CPEB3: variants seen among roughly 807,000 people sequenced by gnomAD.
The protein encoded by CPEB3 is cytoplasmic polyadenylation element-binding protein 3.
In CPEB3, 20 loss-of-function variants were observed where a neutral mutation model predicts 67.2. The ratio of observed to expected loss-of-function variants is 0.30; its 90% confidence interval spans 0.21 to 0.43. The LOEUF (loss-of-function observed/expected upper bound fraction) is 0.43, where lower values mean the gene tolerates loss of function less well. Ranked by LOEUF, CPEB3 falls within the 20% of genes least tolerant of loss-of-function variation. The probability of loss-of-function intolerance (pLI) is 1.00; values close to 1 mark genes in which losing one functional copy is unlikely to be tolerated. For missense variants in CPEB3, 746 were observed against 968.6 expected (o/e 0.77, Z 3.05); for synonymous variants, 376 against 393.1 (o/e 0.96, Z 0.51).
rs543334864 is a variant in CPEB3, at chr10:92,199,875, C to A, written c.1006-7239G>T. Among the ~76,000 whole-genome samples the A allele has an allele frequency of 4.9e-5, 7 of 141,492 alleles. No individual in the cohort carries two copies. The South Asian group carries it at 1.5e-3, about 31-fold the overall frequency. The allele number at this position is 141,492 out of a possible 152,430, so 92.8% of individuals were successfully genotyped here. On this transcript the variant is annotated intron_variant, in intron 2 of 9. Coordinates refer to ENST00000265997, the MANE Select transcript of CPEB3 (RefSeq NM_014912.5). Reference sequence around the variant, plus strand: ...AGATATTCATTACATAATATACGAACCTATTTTTCTCCAAACACACAGAGA... The same window carrying A: ...AGATATTCATTACATAATATACGAAACTATTTTTCTCCAAACACACAGAGA...
chr10:92,209,941 C>CAAAAAAAAA (rs768962869), intron 2 of CPEB3, among the ~76,000 whole-genome samples: 1 of 59,036 alleles, frequency 1.7e-5, no homozygotes, highest in African/African-American at 7.4e-5. Context: ...GGCTCTGTCT[C>CAAAAAAAAA]AAAAAAAAAA....
intron 4 of CPEB3, among the ~76,000 whole-genome samples, chr10:92,177,532 G>GA (rs754904256): frequency 4.5e-4 from 69 of 152,276 alleles, no homozygotes; most frequent in Non-Finnish European, 9.7e-4. Flanking sequence ...TCTTGAACAG[G>GA]AAAAATCAGT....
At chr10:92,249,869 A>G (rs1434335621) in intron 1 of CPEB3, among the ~76,000 whole-genome samples, 1 of 150,246 alleles carries the variant, frequency 6.7e-6, no homozygotes, top group Non-Finnish European at 1.5e-5. Context: ...AAAAATACAA[A>G]AAAATAGCTG....
At chr10:92,180,148 C>T (rs1848399577) in intron 4 of CPEB3, among the ~76,000 whole-genome samples, 1 of 152,184 alleles carries the variant, frequency 6.6e-6, no homozygotes, top group Admixed American at 6.5e-5. Context: ...GAGCTGATGC[C>T]ACCCAGATTA....
chr10:92,214,670 G>C (rs533253496), intron 2 of CPEB3, among the ~76,000 whole-genome samples: 1 of 151,834 alleles, frequency 6.6e-6, no homozygotes, highest in African/African-American at 2.4e-5. Flanking sequence ...ATTTTTACTA[G>C]AGATGAGGTT....
chr10:92,120,136 T>G (rs1355300521), intron 6 of CPEB3, among the ~76,000 whole-genome samples: 13 of 91,934 alleles, frequency 1.4e-4, no homozygotes, highest in Admixed American at 3.7e-4. Flanking sequence ...CTACGCCGGG[T>G]GCGGTGGCTC....
intron 2 of CPEB3, among the ~76,000 whole-genome samples, chr10:92,215,752 T>TC (rs1850341531): frequency 7.1e-6 from 1 of 141,138 alleles, no homozygotes; most frequent in Admixed American, 7.2e-5. Flanking sequence ...TTTTTTTTTT[T>TC]TTTTTTCTTT....
At chr10:92,143,566 G>A (rs1187570883) in intron 5 of CPEB3, among the ~76,000 whole-genome samples, 1 of 152,104 alleles carries the variant, frequency 6.6e-6, no homozygotes, top group Non-Finnish European at 1.5e-5. Context: ...AGGAGTAGGG[G>A]CAATAAGTAG....
chr10:92,186,432 G>A (rs991024195), intron 3 of CPEB3, among the ~76,000 whole-genome samples: 4 of 95,042 alleles, frequency 4.2e-5, no homozygotes, highest in African/African-American at 2.5e-4. Flanking sequence ...TTAAAACTCA[G>A]GTGATTTTTT....
chr10:92,277,697 C>T (rs1424141067), intron 1 of CPEB3, among the ~76,000 whole-genome samples: 1 of 152,062 alleles, frequency 6.6e-6, no homozygotes, highest in South Asian at 2.1e-4. Context: ...TCGAGACCAG[C>T]GTGGCCAACA....
chr10:92,238,541 A>T (rs1799181502), intron 2 of CPEB3, among the ~76,000 whole-genome samples: 1 of 152,040 alleles, frequency 6.6e-6, no homozygotes. Flanking sequence ...AGGACACTGC[A>T]GCTTTAAATA....
intron 2 of CPEB3, among the ~76,000 whole-genome samples, chr10:92,227,512 C>T (rs1457645914): frequency 6.6e-6 from 1 of 152,200 alleles, no homozygotes; most frequent in Non-Finnish European, 1.5e-5. Flanking sequence ...AAAATACTAC[C>T]TAATGCCAAC....
intron 1 of CPEB3, among the ~76,000 whole-genome samples, chr10:92,284,402 GC>G (rs1375411965): frequency 1.2e-4 from 18 of 152,064 alleles, no homozygotes; most frequent in Non-Finnish European, 1.9e-4. Flanking sequence ...CTAGGGTAGG[GC>G]AAAATTCCTT....
chr10:92,165,462 C>T (rs1440827853), intron 4 of CPEB3, among the ~76,000 whole-genome samples: 1 of 118,624 alleles, frequency 8.4e-6, no homozygotes, highest in Non-Finnish European at 1.6e-5. Flanking sequence ...TTGTTGCTAA[C>T]TGATCAGAGT....
intron 2 of CPEB3, among the ~76,000 whole-genome samples, chr10:92,195,883 T>A (rs1384637094): frequency 6.6e-6 from 1 of 152,174 alleles, no homozygotes; most frequent in Non-Finnish European, 1.5e-5. Flanking sequence ...ATTATTTAAA[T>A]CCATGGTTAC....
In CPEB3 at chr10:92,239,750, A is replaced by T. The variant is rs755736235; in HGVS notation, c.601T>A (p.Tyr201Asn). 1 of 1,481,022 alleles carries T rather than the reference A, an allele frequency of 6.8e-7. No homozygotes were observed. Among genetic ancestry groups the T allele is most frequent in the Non-Finnish European group, 8.9e-7 (1 of 1,122,430 alleles). The allele number at this position is 1,481,022 out of a possible 1,614,324, so 91.7% of individuals were successfully genotyped here. ...GCCGCGGCGGCGCTCCTCTGCGCGT[A>T]GGGCGCCTGGCTGGGGCTGGCGGGT... ...RSPASPSQAP[Y>N]AQRSAAAAYG... is the part of the protein sequence containing the mutation. Residue 201 changes from tyrosine to asparagine, a missense_variant, in exon 2 of 10, where the codon TAC becomes AAC. Physicochemically the swap from Tyr to Asn is moderately radical, Grantham distance 143. Coordinates refer to ENST00000265997, the MANE Select transcript of CPEB3 (RefSeq NM_014912.5). The surrounding 1 kb of genome is among the most constrained non-coding windows in gnomAD (Gnocchi z 6.0).
At position 92,086,602 on chromosome 10, in the gene CPEB3, T is replaced by C. The variant is rs534306182; in HGVS notation, c.1688-5101A>G. Among the ~76,000 whole-genome samples, 26 of 152,330 alleles carry C rather than the reference T, an allele frequency of 1.7e-4. No individual in the cohort carries two copies. In the South Asian group the frequency reaches 2.3e-3, roughly 13 times the overall value. On this transcript the variant is annotated intron_variant, in intron 8 of 9. Coordinates refer to ENST00000265997, the MANE Select transcript of CPEB3 (RefSeq NM_014912.5). ...TACCACTTACAATCTCACAGGGTCA[T>C]TGTGAGAATTAAACATCCATGAGAG...
chr10:92,289,597 T>C (rs1038513888), intron 1 of CPEB3, among the ~76,000 whole-genome samples: 2 of 149,884 alleles, frequency 1.3e-5, no homozygotes, highest in African/African-American at 4.9e-5. Context: ...TATTAGACAC[T>C]GGTCACATGC....
At chr10:92,113,831 T>C (rs945872156) in intron 6 of CPEB3, among the ~76,000 whole-genome samples, 4 of 152,178 alleles carry the variant, frequency 2.6e-5, no homozygotes, top group African/African-American at 9.7e-5. Context: ...CCATAAAATA[T>C]CTACACTGGC....
Sources: allele counts gnomAD v4.1 joint callset (sites outside exome capture counted in the v4.1 genomes callset), GRCh38; gene constraint gnomAD v4.1.1; non-coding constraint Gnocchi (gnomAD v3.1); transcripts MANE v1.5; gene names NCBI Gene and HGNC (gene_info 2026-07-23, HGNC 2026-07-21).